The following PTCD3 variants were observed in gnomAD, a reference collection of about 807,000 sequenced individuals.
PTCD3 encodes the protein small ribosomal subunit protein mS39.
In PTCD3, 89 loss-of-function variants were observed where a neutral mutation model predicts 101.9. The observed-to-expected ratio is 0.87, with a 90% CI of 0.74 to 1.04. PTCD3 has a LOEUF of 1.04. PTCD3 is among the 50% of genes least tolerant of loss of function. PTCD3 has a pLI of 0.00. For missense variants in PTCD3, 870 were observed against 828.2 expected, an observed-to-expected ratio of 1.05 and a Z score of -0.62; for synonymous variants, 296 against 278.5, an observed-to-expected ratio of 1.06 and a Z score of -0.63.
At chr2:86,109,664 G>A (rs1216691049) in intron 3 of PTCD3, among the ~76,000 whole-genome samples, 9 of 152,208 alleles carry the variant, frequency 5.9e-5, no homozygotes, top group Non-Finnish European at 7.3e-5. Flanking sequence ...GGAAATGTGC[G>A]TACCTTACTG....
At chr2:86,124,924 G>A (rs749521281) in intron 9 of PTCD3, 71 bp from the exon 10 acceptor site, 57 of 1,571,650 alleles carry the variant, frequency 3.6e-5, no homozygotes, top group Non-Finnish European at 3.9e-5. Context: ...ATAATAAACC[G>A]TCAGTAAATG....
At chr2:86,126,614 TA>T (rs1321012096) in intron 12 of PTCD3, among the ~76,000 whole-genome samples, 3 of 151,952 alleles carry the variant, frequency 2.0e-5, no homozygotes, top group Non-Finnish European at 4.4e-5. Flanking sequence ...GCGGGTGGAT[TA>T]CCTTAGGTCA....
At position 86,141,111 on chromosome 2, in the gene PTCD3, C is replaced by CAA. The variant is rs1410747828; in HGVS notation, c.*3553_*3554dup. On this transcript the variant is annotated 3_prime_UTR_variant, in exon 24 of 24. Transcript: ENST00000254630. ...CAAGTACCCGTGGTGTCTGTTCCCA[C>CAA]AACAATGGCCCTTTCACAAGCTCTT... is the stretch of plus-strand genomic sequence containing the variant. The CAA allele has an allele frequency of 6.6e-6, 1 of 152,208 alleles. No individual in the cohort carries two copies. Among genetic ancestry groups the CAA allele is most frequent in the East Asian group, 1.9e-4 (1 of 5,200 alleles). The allele number at this position is 152,208 out of a possible 1,614,324, so 9.4% of individuals were successfully genotyped here.
Position 86,133,357 on chromosome 2 carries a change from C to T in PTCD3, c.1464C>T (p.Pro488=). ...YEDLIPSAYF[P]HSQTMIHLLQ... Reference sequence around the variant, plus strand: ...TTTCTCTTAATCAGGCCTACTTTCCCCACTCCCAAACAATGATACATCTTC... The same window carrying T: ...TTTCTCTTAATCAGGCCTACTTTCCTCACTCCCAAACAATGATACATCTTC... Residue 488 remains proline (P), a synonymous_variant, in exon 19 of 24, where the codon CCC becomes CCT. Transcript: ENST00000254630. The T allele has an allele frequency of 6.2e-7, 1 of 1,614,088 alleles. No homozygotes were observed. The highest frequency in any genetic ancestry group is 8.5e-7 in the Non-Finnish European group (1 of 1,179,988).
chr2:86,122,969 A>G (rs1333073380), intron 8 of PTCD3, among the ~76,000 whole-genome samples: 1 of 152,146 alleles, frequency 6.6e-6, no homozygotes, highest in Non-Finnish European at 1.5e-5. Context: ...TTATTCTTGT[A>G]AGAAGTCTTG....
At chr2:86,106,821 ACTATG>A (rs1402840017) in intron 1 of PTCD3, among the ~76,000 whole-genome samples, 1 of 152,236 alleles carries the variant, frequency 6.6e-6, no homozygotes, top group Non-Finnish European at 1.5e-5. Context: ...AAAAGATCTG[ACTATG>A]CCCTTTTGAT....
rs1156656430 is a variant in PTCD3, at chr2:86,116,916, G to A, written c.310-139G>A. 4 of 621,450 alleles carry A rather than the reference G, an allele frequency of 6.4e-6. No homozygotes were observed. In the East Asian group the frequency reaches 1.1e-4, roughly 17 times the overall value. The allele number at this position is 621,450 out of a possible 1,614,324, so 38.5% of individuals were successfully genotyped here. On this transcript the variant is annotated intron_variant, in intron 5 of 23. Coordinates refer to ENST00000254630, the MANE Select transcript of PTCD3 (RefSeq NM_017952.6). ...ATATCACAGTAGAAAAGGTGGGATA[G>A]TCTATAATTTCTAATTGGGATTCTG... is the stretch of plus-strand genomic sequence containing the variant.
chr2:86,125,998 G>C, intron 12 of PTCD3, 118 bp downstream of exon 12: 1 of 630,344 alleles, frequency 1.6e-6, no homozygotes, highest in South Asian at 2.0e-5. Context: ...GGGAGGCCGA[G>C]GCGGGCAGAT....
intron 4 of PTCD3, among the ~76,000 whole-genome samples, chr2:86,114,736 A>G (rs1211608734): frequency 6.6e-6 from 1 of 152,204 alleles, no homozygotes; most frequent in Admixed American, 6.5e-5. Flanking sequence ...TATCCCTTCA[A>G]AAGATACGTG....
intron 3 of PTCD3, 169 bp downstream of exon 3, chr2:86,108,705 T>C (rs1024844047): frequency 2.1e-5 from 12 of 565,260 alleles, no homozygotes; most frequent in African/African-American, 1.7e-4. Context: ...AATGGAAAGG[T>C]GGAGAATAGT....
intron 20 of PTCD3, 120 bp downstream of exon 20, chr2:86,134,497 T>C (rs762573648): frequency 3.8e-6 from 3 of 785,512 alleles, no homozygotes; most frequent in Non-Finnish European, 6.3e-6. Flanking sequence ...ATTTGAGTGA[T>C]GATACATCTA....
At chr2:86,106,734 A>G (rs1232331788) in intron 1 of PTCD3, among the ~76,000 whole-genome samples, 1 of 152,186 alleles carries the variant, frequency 6.6e-6, no homozygotes, top group African/African-American at 2.4e-5. Flanking sequence ...CTTCCCAAAT[A>G]AAAGGCAGTC....
intron 19 of PTCD3, among the ~76,000 whole-genome samples, chr2:86,133,991 A>G (rs943913112): frequency 3.2e-4 from 48 of 152,212 alleles, no homozygotes; most frequent in African/African-American, 1.1e-3. Context: ...GACTGCTCTA[A>G]TGAGTGATAA....
At chr2:86,122,915 C>T (rs1333514326) in intron 8 of PTCD3, among the ~76,000 whole-genome samples, 1 of 152,116 alleles carries the variant, frequency 6.6e-6, no homozygotes, top group East Asian at 1.9e-4. Flanking sequence ...TATTGCTCTA[C>T]GTCAGCCTCA....
intron 4 of PTCD3, among the ~76,000 whole-genome samples, chr2:86,116,161 G>A (rs1193746359): frequency 1.3e-5 from 2 of 152,182 alleles, no homozygotes; most frequent in South Asian, 2.1e-4. Context: ...ACACGTTTGC[G>A]CATTTAGGTT....
chr2:86,123,989 T>C (rs1294578653), intron 9 of PTCD3, among the ~76,000 whole-genome samples: 5 of 152,240 alleles, frequency 3.3e-5, no homozygotes, highest in South Asian at 2.1e-4. Context: ...CCCTTTTTTT[T>C]CCCTCATCTG....
chr2:86,115,312 A>T (rs2104450214), intron 4 of PTCD3, among the ~76,000 whole-genome samples: 1 of 152,320 alleles, frequency 6.6e-6, no homozygotes, highest in Middle Eastern at 3.4e-3. Flanking sequence ...ACAAGTCTGG[A>T]TTAATTGCAG....
intron 3 of PTCD3, 40 bp from the exon 4 acceptor site, chr2:86,111,073 A>G: frequency 6.3e-7 from 1 of 1,577,032 alleles, no homozygotes; most frequent in Non-Finnish European, 8.7e-7. Flanking sequence ...GTGGCTATGA[A>G]GAGCCCTGAT....
chr2:86,125,432 A>G (rs201746327), intron 10 of PTCD3, 23 bp from the exon 11 acceptor site: 1 of 1,602,794 alleles, frequency 6.2e-7, no homozygotes, highest in Non-Finnish European at 8.5e-7. Context: ...GAATTTGATG[A>G]TGCTTAATTT....
Sources: gnomAD v4.1 joint callset for allele counts (sites outside exome capture counted in the v4.1 genomes callset) on GRCh38, gnomAD v4.1.1 for gene constraint, MANE v1.5 for transcripts, NCBI Gene and HGNC (gene_info 2026-07-23, HGNC 2026-07-21) for gene names.